The following TLN2 variants were observed in gnomAD, a reference collection of about 807,000 sequenced individuals.
The protein encoded by TLN2 is talin 2.
In TLN2, 118 loss-of-function variants were observed where a neutral mutation model predicts 294.7. The observed-to-expected ratio is 0.40, with a 90% CI of 0.34 to 0.47. The LOEUF is 0.47. Among genes scored for constraint, TLN2 ranks in the 20% least tolerant of loss-of-function variants. TLN2 has a pLI of 0.84. For synonymous variants in TLN2, 1,431 were observed against 1,304.5 expected (o/e 1.10, Z -2.09); for missense variants, 3,083 against 3,282.2 (o/e 0.94, Z 1.48).
At chr15:62,656,569 G>T (rs550827716) in intron 8 of TLN2, among the ~76,000 whole-genome samples, 1 of 152,172 alleles carries the variant, frequency 6.6e-6, no homozygotes, top group Non-Finnish European at 1.5e-5. Context: ...TTCCCAGTAT[G>T]TAAGATGTGG....
rs753977055 is a variant in TLN2, at chr15:62,653,203, A to G, written c.406A>G (p.Ile136Val). The G allele has an allele frequency of 4.4e-6, 7 of 1,607,588 alleles. No individual in the cohort carries two copies. The highest frequency in any genetic ancestry group is 5.9e-6 in the Non-Finnish European group (7 of 1,176,790). The change falls in exon 7 of 59, where the codon ATT (isoleucine) becomes GTT (valine). Residue 136 changes from isoleucine to valine, a missense_variant. Transcript: ENST00000636159. Reference protein sequence around the residue: ...YEEYSLIQETIEEKKEEGTGT... With the variant: ...YEEYSLIQETVEEKKEEGTGT... Reference sequence around the variant, plus strand: ...AGAATACTCCTTAATCCAAGAAACTATTGAAGAAAAGAAAGAGGAAGGAAC... The same window carrying G: ...AGAATACTCCTTAATCCAAGAAACTGTTGAAGAAAAGAAAGAGGAAGGAAC...
chr15:62,465,087 A>C (rs1208058019), intron 1 of TLN2, among the ~76,000 whole-genome samples: 3 of 141,318 alleles, frequency 2.1e-5, no homozygotes, highest in Non-Finnish European at 4.5e-5. Flanking sequence ...TGTACTTGGG[A>C]AACTTGTGGT....
intron 1 of TLN2, among the ~76,000 whole-genome samples, chr15:62,437,771 G>A (rs75482159): frequency 6.6e-6 from 1 of 151,868 alleles, no homozygotes; most frequent in Non-Finnish European, 1.5e-5. Flanking sequence ...GTGTGTGTGT[G>A]TGTCTGTCTG....
intron 1 of TLN2, among the ~76,000 whole-genome samples, chr15:62,515,349 A>G (rs574744176): frequency 8.7e-4 from 132 of 152,298 alleles, no homozygotes; most frequent in African/African-American, 3.1e-3. Flanking sequence ...TGAATATACT[A>G]TAATTTATCC....
chr15:62,487,108 A>T (rs1321870126), intron 1 of TLN2, among the ~76,000 whole-genome samples: 1 of 152,200 alleles, frequency 6.6e-6, no homozygotes, highest in Non-Finnish European at 1.5e-5. Flanking sequence ...GACATGGAAA[A>T]GTCTCCTCCT....
At chr15:62,448,840 C>T (rs1305277696) in intron 1 of TLN2, among the ~76,000 whole-genome samples, 1 of 152,196 alleles carries the variant, frequency 6.6e-6, no homozygotes, top group East Asian at 1.9e-4. Flanking sequence ...AAGTGCAGCT[C>T]ATCCCATCAG....
chr15:62,471,306 C>T (rs574281025), intron 1 of TLN2, among the ~76,000 whole-genome samples: 1 of 152,350 alleles, frequency 6.6e-6, no homozygotes, highest in Admixed American at 6.5e-5. Context: ...GATCATGCTG[C>T]TGCACTCCAG....
At chr15:62,785,280 G>A (rs1256049442) in intron 45 of TLN2, among the ~76,000 whole-genome samples, 1 of 152,056 alleles carries the variant, frequency 6.6e-6, no homozygotes, top group Non-Finnish European at 1.5e-5. Flanking sequence ...AGATCATCTA[G>A]ATTTATAATT....
At chr15:62,529,005 A>C (rs1213086913) in intron 1 of TLN2, among the ~76,000 whole-genome samples, 3 of 152,102 alleles carry the variant, frequency 2.0e-5, no homozygotes, top group Non-Finnish European at 4.4e-5. Flanking sequence ...GTAATACTTT[A>C]ATGGAGTCTC....
intron 37 of TLN2, among the ~76,000 whole-genome samples, chr15:62,756,301 C>T (rs1055671714): frequency 6.6e-6 from 1 of 152,122 alleles, no homozygotes; most frequent in African/African-American, 2.4e-5. Flanking sequence ...GGGCATGTGG[C>T]GGGTGGGCAG....
rs2068009460 is a variant in TLN2, at chr15:62,825,757, T to TAA, written c.7002+5147_7002+5148insAA. Among the ~76,000 whole-genome samples, 11 of 97,254 alleles carry TAA rather than the reference T, an allele frequency of 1.1e-4. 1 individual carries two copies. Among genetic ancestry groups the TAA allele is most frequent in the African/African-American group, 5.4e-4 (11 of 20,552 alleles). 63.8% of individuals were successfully genotyped at this position (97,254 alleles called of 152,430 possible). On this transcript the variant is annotated intron_variant, in intron 54 of 58. Coordinates refer to ENST00000636159, the MANE Select transcript of TLN2 (RefSeq NM_015059.3). ...ATATTTTTATATATATTAAATATAA[T>TAA]TATAATTATATATTATATAATATAT...
At chr15:62,406,488 C>T (rs1477216572) in intron 1 of TLN2, among the ~76,000 whole-genome samples, 1 of 152,216 alleles carries the variant, frequency 6.6e-6, no homozygotes, top group Admixed American at 6.5e-5. Flanking sequence ...AGTAGCACTA[C>T]CCCACAGGCA....
intron 3 of TLN2, among the ~76,000 whole-genome samples, chr15:62,647,040 T>C (rs2051952625): frequency 6.6e-6 from 1 of 152,260 alleles, no homozygotes; most frequent in East Asian, 1.9e-4. Flanking sequence ...TAAGGGGTTC[T>C]ACTTGTCACC....
At chr15:62,742,168 A>G (rs1405761067) in intron 32 of TLN2, among the ~76,000 whole-genome samples, 1 of 152,046 alleles carries the variant, frequency 6.6e-6, no homozygotes, top group East Asian at 1.9e-4. Context: ...AACAATAGCT[A>G]GAGCCACTAG....
Position 62,826,365 on chromosome 15 carries a change from C to T in TLN2, c.7002+5755C>T, listed in dbSNP as rs117075697. The stretch of plus-strand genomic sequence containing the variant: ...CCAGCAGACACTGCATGAACTCGCG[C>T]GTATTCCTCGGATGCGGAGGGTGTG... On this transcript the variant is annotated intron_variant, in intron 54 of 58. Transcript: ENST00000636159. 1.6e-3 allele frequency among the ~76,000 whole-genome samples: 240 copies of T among 152,312 alleles called. 5 individuals are homozygous for T. In the East Asian group the frequency reaches 0.044, roughly 28 times the overall value.
At chr15:62,431,462 C>T (rs1404604187) in intron 1 of TLN2, among the ~76,000 whole-genome samples, 1 of 152,112 alleles carries the variant, frequency 6.6e-6, no homozygotes, top group Non-Finnish European at 1.5e-5. Flanking sequence ...CATAATTAGG[C>T]AATTTAAACA....
At chr15:62,463,411 A>C (rs895701802) in intron 1 of TLN2, among the ~76,000 whole-genome samples, 1 of 152,162 alleles carries the variant, frequency 6.6e-6, no homozygotes, top group South Asian at 2.1e-4. Flanking sequence ...GTAAATCTGA[A>C]ATGATGTAGA....
chr15:62,481,137 A>C (rs568307620), intron 1 of TLN2, among the ~76,000 whole-genome samples: 1 of 152,320 alleles, frequency 6.6e-6, no homozygotes, highest in African/African-American at 2.4e-5. Context: ...GGGATCCTGA[A>C]GGGCATGTTT....
At chr15:62,585,711 G>A (rs917383777) in intron 1 of TLN2, among the ~76,000 whole-genome samples, 2 of 152,176 alleles carry the variant, frequency 1.3e-5, no homozygotes, top group African/African-American at 2.4e-5. Flanking sequence ...ACTTTAAATA[G>A]CAAGCTCCTG....
Sources: allele counts gnomAD v4.1 joint callset (sites outside exome capture counted in the v4.1 genomes callset), GRCh38; gene constraint gnomAD v4.1.1; transcripts MANE v1.5; gene names NCBI Gene and HGNC (gene_info 2026-07-23, HGNC 2026-07-21).